The following LCLAT1 variants were observed in gnomAD, a reference collection of about 807,000 sequenced individuals.
LCLAT1 encodes lysocardiolipin acyltransferase 1.
In LCLAT1, 11 loss-of-function variants were observed where a neutral mutation model predicts 30.7. That is an observed-to-expected ratio of 0.36 (90% CI 0.23 to 0.59). The LOEUF is 0.59. Among genes scored for constraint, LCLAT1 ranks in the 20% least tolerant of loss-of-function variants. The probability of loss-of-function intolerance (pLI) is 0.77; values close to 1 mark genes in which losing one functional copy is unlikely to be tolerated. For synonymous variants in LCLAT1, 155 were observed against 151.3 expected (o/e 1.02, Z -0.18); for missense variants, 402 against 458.6 (o/e 0.88, Z 1.13).
At chr2:30,600,701 T>C (rs1313518115) in intron 5 of LCLAT1, among the ~76,000 whole-genome samples, 5 of 152,174 alleles carry the variant, frequency 3.3e-5, no homozygotes, top group African/African-American at 1.2e-4. Flanking sequence ...TCTTTCTGGC[T>C]GCCCTTATCA....
intron 3 of LCLAT1, among the ~76,000 whole-genome samples, chr2:30,556,963 G>T (rs7603834): frequency 0.13 from 19,296 of 151,834 alleles, 1,359 homozygotes; most frequent in South Asian, 0.23. Context: ...AGGCTGGTCT[G>T]GAACTCCCAA....
At position 30,504,081 on chromosome 2, in the gene LCLAT1, C is replaced by CGTGTGTGT. The variant is rs10632288; in HGVS notation, c.-4-21495_-4-21488dup. Among the ~76,000 whole-genome samples, 727 of 150,888 alleles carry CGTGTGTGT rather than the reference C, an allele frequency of 4.8e-3. 7 individuals are homozygous for CGTGTGTGT. The highest frequency in any genetic ancestry group is 0.01 in the Middle Eastern group (3 of 294). On this transcript the variant is annotated intron_variant, in intron 1 of 5. Transcript: ENST00000379509. ...ACTTTCTTCATGCTTAAGGGACTTA[C>CGTGTGTGT]GTGTGTGTGTGTGTGTGTTTATATA... is the stretch of plus-strand genomic sequence containing the variant.
intron 5 of LCLAT1, among the ~76,000 whole-genome samples, chr2:30,585,369 C>A (rs777370987): frequency 5.7e-4 from 86 of 152,174 alleles, no homozygotes; most frequent in Non-Finnish European, 1.1e-3. Flanking sequence ...TTCACTACAT[C>A]CTCTGCCTCA....
chr2:30,607,776 C>T (rs1212281544), intron 5 of LCLAT1: 1 of 151,464 alleles, frequency 6.6e-6, no homozygotes, highest in Non-Finnish European at 1.5e-5. Flanking sequence ...CTCTGAAGAC[C>T]TTGCAGTGAG....
intron 1 of LCLAT1, among the ~76,000 whole-genome samples, chr2:30,490,199 ATTTTT>A (rs772695376): frequency 8.2e-6 from 1 of 121,470 alleles, no homozygotes; most frequent in Non-Finnish European, 1.7e-5. Context: ...GGCTACTCTG[ATTTTT>A]TTTTTTTTTT....
At chr2:30,512,246 G>A (rs1474346980) in intron 1 of LCLAT1, among the ~76,000 whole-genome samples, 2 of 151,902 alleles carry the variant, frequency 1.3e-5, no homozygotes, top group Non-Finnish European at 2.9e-5. Context: ...ATAAATTTAT[G>A]TAAGCAAAAA....
chr2:30,545,017 C>T (rs1664332795), intron 3 of LCLAT1, among the ~76,000 whole-genome samples: 1 of 152,064 alleles, frequency 6.6e-6, no homozygotes, highest in Non-Finnish European at 1.5e-5. Flanking sequence ...CCATTGTAGG[C>T]TCTTAACTAT....
At chr2:30,535,166 A>T (rs940385250) in intron 3 of LCLAT1, among the ~76,000 whole-genome samples, 3 of 152,098 alleles carry the variant, frequency 2.0e-5, no homozygotes, top group Non-Finnish European at 2.9e-5. Flanking sequence ...ACCCTAATTT[A>T]AAAAAAGTTA....
intron 1 of LCLAT1, among the ~76,000 whole-genome samples, chr2:30,493,449 T>C (rs1683931652): frequency 6.6e-6 from 1 of 152,226 alleles, no homozygotes; most frequent in Admixed American, 6.5e-5. Context: ...AGCTAAAAAC[T>C]GTGGCATTGA....
At chr2:30,527,498 TA>T (rs1325849893) in intron 2 of LCLAT1, among the ~76,000 whole-genome samples, 1 of 152,250 alleles carries the variant, frequency 6.6e-6, no homozygotes, top group Non-Finnish European at 1.5e-5. Context: ...TAAAAATTAC[TA>T]CAGTTGTAAT....
chr2:30,578,889 A>G (rs1476330563), intron 5 of LCLAT1, among the ~76,000 whole-genome samples: 1 of 152,172 alleles, frequency 6.6e-6, no homozygotes, highest in Non-Finnish European at 1.5e-5. Flanking sequence ...ACAAGTTCAT[A>G]ATGTTAAATC....
intron 1 of LCLAT1, among the ~76,000 whole-genome samples, chr2:30,475,778 T>A (rs1230284827): frequency 6.6e-6 from 1 of 152,222 alleles, no homozygotes; most frequent in Non-Finnish European, 1.5e-5. Context: ...AGAAATATTT[T>A]GAGAAGCAAG....
intron 1 of LCLAT1, among the ~76,000 whole-genome samples, chr2:30,521,730 C>T (rs1176593313): frequency 1.3e-5 from 2 of 151,776 alleles, no homozygotes; most frequent in Non-Finnish European, 2.9e-5. Flanking sequence ...TGGTCTCGAT[C>T]TCCTGACCTC....
intron 5 of LCLAT1, among the ~76,000 whole-genome samples, chr2:30,613,264 G>T (rs1034620137): frequency 1.3e-5 from 2 of 152,120 alleles, no homozygotes; most frequent in Admixed American, 6.6e-5. Context: ...GGGGTGAAGG[G>T]GGAGGGGTTA....
At chr2:30,637,415 G>A (rs1011329231) in intron 5 of LCLAT1, among the ~76,000 whole-genome samples, 2 of 151,936 alleles carry the variant, frequency 1.3e-5, no homozygotes, top group Non-Finnish European at 2.9e-5. Flanking sequence ...AATGGAATAG[G>A]GTCTTTTTTA....
intron 1 of LCLAT1, among the ~76,000 whole-genome samples, chr2:30,498,580 C>A (rs551274729): frequency 2.0e-4 from 31 of 152,232 alleles, no homozygotes; most frequent in African/African-American, 7.0e-4. Context: ...AGGAGTTTTA[C>A]CAAGGACTCA....
intron 5 of LCLAT1, among the ~76,000 whole-genome samples, chr2:30,604,259 T>G (rs1396642927): frequency 6.6e-6 from 1 of 152,204 alleles, no homozygotes; most frequent in Non-Finnish European, 1.5e-5. Context: ...TCCAGTAGCC[T>G]GGAAATCTCT....
intron 1 of LCLAT1, among the ~76,000 whole-genome samples, chr2:30,451,946 A>T (rs1172055514): frequency 6.6e-6 from 1 of 152,286 alleles, no homozygotes; most frequent in East Asian, 1.9e-4. Flanking sequence ...ATGTATCAAC[A>T]TGGATGTATC....
At chr2:30,520,793 T>A (rs1052872037) in intron 1 of LCLAT1, among the ~76,000 whole-genome samples, 6 of 152,360 alleles carry the variant, frequency 3.9e-5, no homozygotes, top group South Asian at 2.1e-4. Context: ...CATAATTTTT[T>A]AAAAATTTAT....
Sources: allele counts gnomAD v4.1 joint callset (sites outside exome capture counted in the v4.1 genomes callset), GRCh38; gene constraint gnomAD v4.1.1; transcripts MANE v1.5; gene names NCBI Gene and HGNC (gene_info 2026-07-23, HGNC 2026-07-21).